ENGASE: variants seen among roughly 807,000 people sequenced by gnomAD.
ENGASE encodes cytosolic endo-beta-N-acetylglucosaminidase.
A neutral mutation model predicts 78.5 loss-of-function variants in ENGASE; 69 were observed. That is an observed-to-expected ratio of 0.88 (90% CI 0.72 to 1.07). ENGASE has a LOEUF of 1.07. Among genes scored for constraint, ENGASE ranks in the 50% least tolerant of loss-of-function variants. ENGASE has a pLI of 0.00. For missense variants in ENGASE, 943 were observed against 988.4 expected (o/e 0.95, Z 0.62); for synonymous variants, 408 against 408.9 (o/e 1.00, Z 0.03).
intron 6 of ENGASE, 49 bp downstream of exon 6, chr17:79,081,122 C>A: frequency 1.3e-5 from 2 of 155,948 alleles, no homozygotes; most frequent in Non-Finnish European, 2.3e-5. Context: ...GTGGTGGGGG[C>A]GGGTACTGTG....
intron 3 of ENGASE, among the ~76,000 whole-genome samples, chr17:79,078,910 C>G (rs1018852087): frequency 1.3e-5 from 2 of 152,198 alleles, no homozygotes; most frequent in African/African-American, 4.8e-5. Flanking sequence ...CTTTCTCTCC[C>G]TTGTTCATTG....
At position 79,079,590 on chromosome 17, in the gene ENGASE, C is replaced by T. The variant is rs573889051; in HGVS notation, c.518C>T (p.Pro173Leu). The T allele has an allele frequency of 4.0e-5, 64 of 1,614,066 alleles. No individual in the cohort carries two copies. The highest frequency in any genetic ancestry group is 5.2e-5 in the Non-Finnish European group (61 of 1,180,014). The change falls in exon 4 of 14, where the codon CCA becomes CTA. Residue 173 changes from proline to leucine, a missense_variant. By Grantham distance (98) the Pro-to-Leu change is moderately conservative. Coordinates refer to ENST00000579016, the MANE Select transcript of ENGASE (RefSeq NM_001042573.3). The part of the protein sequence containing the change: ...YFSHHTVTIP[P>L]VGWTNTAHRH... Reference sequence around the variant, plus strand: ...AGCCACCACACCGTCACCATTCCCCCAGTGGGCTGGACCAACACTGCCCAC... The same window carrying T: ...AGCCACCACACCGTCACCATTCCCCTAGTGGGCTGGACCAACACTGCCCAC...
chr17:79,080,841 C>T, intron 5 of ENGASE, 84 bp from the exon 6 acceptor site: 1 of 1,501,666 alleles, frequency 6.7e-7, no homozygotes, highest in Non-Finnish European at 8.9e-7. Flanking sequence ...GCTCTGCATC[C>T]CCCTGTCTGT....
chr17:79,081,267 C>T (rs926256612), intron 6 of ENGASE, among the ~76,000 whole-genome samples, 194 bp downstream of exon 6: 6 of 152,162 alleles, frequency 3.9e-5, no homozygotes, highest in Admixed American at 3.9e-4. Context: ...CTTTGGGACG[C>T]CGAGGTGGGC....
intron 1 of ENGASE, among the ~76,000 whole-genome samples, chr17:79,077,175 G>C (rs1195410080): frequency 3.3e-5 from 5 of 152,172 alleles, no homozygotes; most frequent in Non-Finnish European, 7.3e-5. Context: ...CTGGCCTAGG[G>C]TAAGGTTTAT....
At position 79,074,933 on chromosome 17, in the gene ENGASE, G is replaced by A. The variant is rs1359943150; in HGVS notation, c.-12G>A. The A allele has an allele frequency of 7.9e-7, 1 of 1,260,438 alleles. No individual in the cohort carries two copies. The highest frequency in any genetic ancestry group is 3.0e-5 in the East Asian group (1 of 33,534). The allele number at this position is 1,260,438 out of a possible 1,614,324, so 78.1% of individuals were successfully genotyped here. On this transcript the variant is annotated 5_prime_UTR_variant, in exon 1 of 14. Transcript: ENST00000579016. ...GGCCTGCGATTGCCTCTCGGCGTGC[G>A]CGGACAGTGTCATGGAGGCCGCGGC...
rs757344417 is a variant in ENGASE at position 79,082,387 on chromosome 17, G to A, written c.1038+324G>A. 6.9e-5 allele frequency: 87 copies of A among 1,263,204 alleles called. 1 individual carries two copies. Among genetic ancestry groups the A allele is most frequent in the African/African-American group, 2.8e-4 (18 of 65,294 alleles). The allele number at this position is 1,263,204 out of a possible 1,614,324, so 78.2% of individuals were successfully genotyped here. A position where few individuals can be genotyped will look rare whatever the true frequency, so the allele number is the denominator to read the frequency against. The stretch of plus-strand genomic sequence containing the variant: ...CCAGCTGCGTTCCTTGATCTTCCCC[G>A]TGAGGGAAGCCTGCGGGGACGCACA... On this transcript the variant is annotated intron_variant, in intron 7 of 13. Coordinates refer to ENST00000579016, the MANE Select transcript of ENGASE (RefSeq NM_001042573.3).
chr17:79,079,646 C>G lies in ENGASE; in HGVS notation c.565+9C>G, dbSNP rs2073072445. ...TGGGGTCTGCGTGCTGGGTAAGAGC[C>G]AAGGACTCACCTCTGTGTCAGCCAG... On this transcript the variant is annotated intron_variant, in intron 4 of 13. Transcript: ENST00000579016. 3 of 1,611,256 alleles carry G rather than the reference C, an allele frequency of 1.9e-6. No homozygotes were observed. The highest frequency in any genetic ancestry group is 1.7e-5 in the Admixed American group (1 of 59,490).
intron 5 of ENGASE, 78 bp from the exon 6 acceptor site, chr17:79,080,847 T>C: frequency 1.3e-6 from 2 of 1,507,888 alleles, no homozygotes; most frequent in Non-Finnish European, 8.9e-7. Flanking sequence ...CATCCCCCTG[T>C]CTGTCCAGCG....
At position 79,085,287 on chromosome 17, in the gene ENGASE, C is replaced by A. The variant is rs1252351525; in HGVS notation, c.1645C>A (p.Leu549Met). ...LRPLRVPPTK[L>M]ARWVGRCGRQ... ...ACCCCTCCGGGTGCCCCCCACCAAG[C>A]TGGCCAGATGGGTGGGCCGCTGCGG... Residue 549 changes from leucine to methionine, a missense_variant, in exon 12 of 14, where the codon CTG (leucine) becomes ATG (methionine). By Grantham distance (15) the Leu-to-Met change is conservative. Coordinates refer to ENST00000579016, the MANE Select transcript of ENGASE (RefSeq NM_001042573.3). The A allele has an allele frequency of 6.2e-7, 1 of 1,613,324 alleles. No homozygotes were observed. Among genetic ancestry groups the A allele is most frequent in the African/African-American group, 1.3e-5 (1 of 74,940 alleles).
In ENGASE at chr17:79,086,488, G is replaced by A. The variant is rs559865695; in HGVS notation, c.*139G>A. ...TCCCGGGGCTGGGGTGGGAGACCCC[G>A]GGCTGAGTGCTGTGGCTTTCTGGTG... On this transcript the variant is annotated 3_prime_UTR_variant, in exon 14 of 14. Coordinates refer to ENST00000579016, the MANE Select transcript of ENGASE (RefSeq NM_001042573.3). The A allele has an allele frequency of 7.1e-5, 74 of 1,049,228 alleles. No homozygotes were observed. The East Asian group carries it at 7.1e-4, about 10-fold the overall frequency. The allele number at this position is 1,049,228 out of a possible 1,614,324, so 65.0% of individuals were successfully genotyped here.
In ENGASE at chr17:79,082,477, G is replaced by T. The variant is rs1438156726; in HGVS notation, c.1038+414G>T. On this transcript the variant is annotated intron_variant, in intron 7 of 13. Transcript: ENST00000579016. ...ACGGGGGAGGTGCCCAGGGTTTGGGGATCGGTAGGTGTCATGACGAGGGAG... is the reference window on the plus strand; with the variant it reads ...ACGGGGGAGGTGCCCAGGGTTTGGGTATCGGTAGGTGTCATGACGAGGGAG... 3.3e-6 allele frequency: 4 copies of T among 1,205,100 alleles called. No individual in the cohort carries two copies. The East Asian group carries it at 2.3e-4, about 68-fold the overall frequency. 74.7% of individuals were successfully genotyped at this position (1,205,100 alleles called of 1,614,324 possible). A position where few individuals can be genotyped will look rare whatever the true frequency, so the allele number is the denominator to read the frequency against.
intron 12 of ENGASE, 103 bp from the exon 13 acceptor site, chr17:79,085,517 C>T: frequency 6.6e-7 from 1 of 1,513,650 alleles, no homozygotes; most frequent in East Asian, 2.4e-5. Context: ...CCCCCATGAC[C>T]CTGGGATGCA....
At chr17:79,080,768 C>G (rs2073107827) in intron 5 of ENGASE, among the ~76,000 whole-genome samples, 157 bp from the exon 6 acceptor site, 1 of 152,212 alleles carries the variant, frequency 6.6e-6, no homozygotes, top group African/African-American at 2.4e-5. Context: ...TGGCTGGACT[C>G]CACTTGCGGG....
chr17:79,085,467 C>T, intron 12 of ENGASE, 125 bp downstream of exon 12: 1 of 1,338,360 alleles, frequency 7.5e-7, no homozygotes, highest in Non-Finnish European at 1.0e-6. Flanking sequence ...GAGACAGAAG[C>T]CCAGGACAGC....
chr17:79,082,798 G>A, intron 7 of ENGASE: 1 of 1,488,438 alleles, frequency 6.7e-7, no homozygotes, highest in Non-Finnish European at 9.0e-7. Context: ...CCCTGCCCTT[G>A]CAGCAGCGCT....
Position 79,082,831 on chromosome 17 carries a change from T to G in ENGASE, c.1039-189T>G, listed in dbSNP as rs778583029. 8.5e-6 allele frequency: 13 copies of G among 1,527,658 alleles called. No homozygotes were observed. The Admixed American group carries it at 2.3e-4, about 27-fold the overall frequency. The allele number at this position is 1,527,658 out of a possible 1,614,324, so 94.6% of individuals were successfully genotyped here. A position where few individuals can be genotyped will look rare whatever the true frequency, so the allele number is the denominator to read the frequency against. On this transcript the variant is annotated intron_variant, in intron 7 of 13. Transcript: ENST00000579016. ...GCTGACCGCCTCTCCCGCGCCCTCT[T>G]CTGGCGGGCTTGTGGAACGACGGGG...
In ENGASE at chr17:79,086,701, C is replaced by T. The variant is rs1031984767; in HGVS notation, c.*352C>T. 1.5e-5 allele frequency: 6 copies of T among 409,430 alleles called. No homozygotes were observed. Among genetic ancestry groups the T allele is most frequent in the Admixed American group, 1.4e-4 (4 of 28,048 alleles). The allele number at this position is 409,430 out of a possible 1,614,324, so 25.4% of individuals were successfully genotyped here. A position where few individuals can be genotyped will look rare whatever the true frequency, so the allele number is the denominator to read the frequency against. ...ATATTTCCTAATAGGCTGCAAGATG[C>T]TGATGCCGAGAATGATGATTTTCTT... On this transcript the variant is annotated 3_prime_UTR_variant, in exon 14 of 14. Coordinates refer to ENST00000579016, the MANE Select transcript of ENGASE (RefSeq NM_001042573.3).
At position 79,086,306 on chromosome 17, in the gene ENGASE, C is replaced by T. The variant is rs780199349; in HGVS notation, c.2189C>T (p.Ala730Val). The change falls in exon 14 of 14, where the codon GCC (alanine) becomes GTC (valine). Residue 730 changes from alanine (A) to valine (V), a missense_variant. Ala to Val is a moderately conservative substitution (Grantham distance 64). Coordinates refer to ENST00000579016, the MANE Select transcript of ENGASE (RefSeq NM_001042573.3). ...AAGGAAGGGTTCCGGGTACCTCAGG[C>T]CGAGTGGGGCAGGGCAGTTCTGCTT... is the stretch of plus-strand genomic sequence containing the variant. ...VPKEGFRVPQ[A>V]EWGRAVLLYS... is the part of the protein sequence containing the mutation. The T allele has an allele frequency of 2.5e-6, 4 of 1,613,506 alleles. No individual in the cohort carries two copies. In the South Asian group the frequency reaches 4.4e-5, roughly 18 times the overall value.
Sources: gnomAD v4.1 joint callset for allele counts (sites outside exome capture counted in the v4.1 genomes callset) on GRCh38, gnomAD v4.1.1 for gene constraint, MANE v1.5 for transcripts, NCBI Gene and HGNC (gene_info 2026-07-23, HGNC 2026-07-21) for gene names.